DTD1: variants seen among roughly 807,000 people sequenced by gnomAD.
DTD1 encodes D-aminoacyl-tRNA deacylase 1, also known as D-tyrosyl-tRNA deacylase 1 homolog.
In DTD1, 13 loss-of-function variants were observed where a neutral mutation model predicts 25.6. The ratio of observed to expected loss-of-function variants is 0.51; its 90% CI spans 0.33 to 0.81. DTD1 has a LOEUF of 0.81. Ranked by LOEUF, DTD1 falls within the 30% of genes least tolerant of loss-of-function variation. The probability of loss-of-function intolerance (pLI) is 0.02; values close to 1 mark genes in which losing one functional copy is unlikely to be tolerated. For synonymous variants in DTD1, 110 were observed against 103.6 expected, an observed-to-expected ratio of 1.06 and a Z score of -0.37; for missense variants, 193 against 266.4, an observed-to-expected ratio of 0.72 and a Z score of 1.92.
At chr20:18,644,935 C>A (rs2060844960) in intron 4 of DTD1, among the ~76,000 whole-genome samples, 1 of 152,118 alleles carries the variant, frequency 6.6e-6, no homozygotes, top group Non-Finnish European at 1.5e-5. Flanking sequence ...CGCATGAGCC[C>A]AGGAGTTTGA....
At chr20:18,735,366 T>C (rs993809483) in intron 4 of DTD1, among the ~76,000 whole-genome samples, 12 of 152,222 alleles carry the variant, frequency 7.9e-5, no homozygotes, top group Admixed American at 2.6e-4. Flanking sequence ...GAGAAGCCCC[T>C]GTGCAGGTGT....
chr20:18,665,462 A>G (rs145611010), intron 4 of DTD1, among the ~76,000 whole-genome samples: 1 of 152,186 alleles, frequency 6.6e-6, no homozygotes, highest in African/African-American at 2.4e-5. Context: ...CCTTTCCATC[A>G]GGCTCAGGAG....
chr20:18,612,280 C>A (rs1053307472), intron 3 of DTD1, among the ~76,000 whole-genome samples: 54 of 152,004 alleles, frequency 3.6e-4, no homozygotes, highest in African/African-American at 1.3e-3. Flanking sequence ...GTGATCCGCC[C>A]GCCTCGGCCT....
At chr20:18,746,252 A>T (rs1466738582) in intron 5 of DTD1, among the ~76,000 whole-genome samples, 3 of 152,198 alleles carry the variant, frequency 2.0e-5, no homozygotes, top group African/African-American at 7.2e-5. Context: ...GGTTAAAACC[A>T]AGTTAGGAGA....
chr20:18,721,627 T>C (rs538412234), intron 4 of DTD1, among the ~76,000 whole-genome samples: 42 of 152,244 alleles, frequency 2.8e-4, no homozygotes, highest in Non-Finnish European at 5.1e-4. Flanking sequence ...CATATCTGAT[T>C]AGAACGATCT....
intron 3 of DTD1, among the ~76,000 whole-genome samples, chr20:18,622,887 C>T (rs901010100): frequency 6.6e-6 from 1 of 151,984 alleles, no homozygotes; most frequent in Admixed American, 6.6e-5. Flanking sequence ...TGCACTTTAC[C>T]TGTCCTCTCC....
intron 1 of DTD1, among the ~76,000 whole-genome samples, chr20:18,591,940 C>A (rs1314095073): frequency 6.6e-6 from 1 of 152,036 alleles, no homozygotes; most frequent in African/African-American, 2.4e-5. Flanking sequence ...AAAAGCAGCA[C>A]AGAAGAAAAG....
intron 4 of DTD1, among the ~76,000 whole-genome samples, chr20:18,712,446 T>A (rs996322667): frequency 1.3e-5 from 2 of 152,038 alleles, no homozygotes; most frequent in African/African-American, 4.8e-5. Context: ...AATCCCATGA[T>A]CAGATGTCAG....
chr20:18,691,456 C>G (rs2061047086), intron 4 of DTD1, among the ~76,000 whole-genome samples: 1 of 152,288 alleles, frequency 6.6e-6, no homozygotes, highest in South Asian at 2.1e-4. Context: ...AAATCATGTC[C>G]TTTGCAGCAA....
intron 4 of DTD1, among the ~76,000 whole-genome samples, chr20:18,655,850 A>C (rs1256031903): frequency 6.6e-6 from 1 of 152,062 alleles, no homozygotes. Flanking sequence ...GCTCACAGCA[A>C]TCTCCGCCTC....
chr20:18,686,950 C>G (rs189987806), intron 4 of DTD1, among the ~76,000 whole-genome samples: 66 of 152,282 alleles, frequency 4.3e-4, no homozygotes, highest in African/African-American at 1.5e-3. Flanking sequence ...TTGTGCCAGG[C>G]ACTGTCTAGA....
At chr20:18,615,263 C>T (rs571987251) in intron 3 of DTD1, among the ~76,000 whole-genome samples, 6 of 152,160 alleles carry the variant, frequency 3.9e-5, no homozygotes, top group African/African-American at 1.4e-4. Context: ...CAGCTCATAA[C>T]CCTGCTGCTC....
intron 4 of DTD1, among the ~76,000 whole-genome samples, chr20:18,731,351 T>A (rs1367425528): frequency 6.6e-6 from 1 of 152,242 alleles, no homozygotes. Flanking sequence ...ATCATTAGTT[T>A]GGTTTTCTGT....
intron 3 of DTD1, among the ~76,000 whole-genome samples, chr20:18,599,638 G>A (rs775448602): frequency 2.6e-5 from 4 of 152,188 alleles, no homozygotes; most frequent in Admixed American, 6.5e-5. Flanking sequence ...ATTCCCACCA[G>A]CAATGAACGA....
At chr20:18,657,470 T>C (rs540140092) in intron 4 of DTD1, among the ~76,000 whole-genome samples, 78 of 152,250 alleles carry the variant, frequency 5.1e-4, no homozygotes, top group Non-Finnish European at 9.4e-4. Flanking sequence ...TCCATTTCTC[T>C]TGGCCAGAGA....
intron 4 of DTD1, among the ~76,000 whole-genome samples, chr20:18,633,528 G>T (rs1015446201): frequency 1.3e-5 from 2 of 152,198 alleles, no homozygotes; most frequent in Non-Finnish European, 2.9e-5. Flanking sequence ...GGAGGTGTGT[G>T]TGGGTGGGAG....
intron 4 of DTD1, among the ~76,000 whole-genome samples, chr20:18,662,155 A>G (rs1019533453): frequency 6.6e-6 from 1 of 152,176 alleles, no homozygotes; most frequent in African/African-American, 2.4e-5. Context: ...CCATTTCTTA[A>G]AAAAAAGTTG....
chr20:18,675,600 A>G (rs1410970217), intron 4 of DTD1: 1 of 152,110 alleles, frequency 6.6e-6, no homozygotes, highest in Non-Finnish European at 1.5e-5. Context: ...CTTTAAATCA[A>G]TGATGATACT....
intron 4 of DTD1, among the ~76,000 whole-genome samples, chr20:18,672,229 G>A (rs530513712): frequency 6.6e-6 from 1 of 152,186 alleles, no homozygotes; most frequent in South Asian, 2.1e-4. Flanking sequence ...GTGAGACCCT[G>A]TCACAAATAA....
Sources: gnomAD v4.1 joint callset for allele counts (sites outside exome capture counted in the v4.1 genomes callset) on GRCh38, gnomAD v4.1.1 for gene constraint, MANE v1.5 for transcripts, NCBI Gene and HGNC (gene_info 2026-07-23, HGNC 2026-07-21) for gene names.